TENM3: variants seen among roughly 807,000 people sequenced by gnomAD.
The protein encoded by TENM3 is teneurin-3.
In TENM3, 63 loss-of-function variants were observed where a neutral mutation model predicts 255.1. The observed-to-expected ratio is 0.25, with a 90% CI of 0.20 to 0.30. The LOEUF is 0.30. Ranked by LOEUF, TENM3 falls within the 10% of genes least tolerant of loss-of-function variation. TENM3 has a pLI of 1.00. For missense variants in TENM3, 2,929 were observed against 3,461.1 expected (o/e 0.85, Z 3.86); for synonymous variants, 1,306 against 1,322.3 (o/e 0.99, Z 0.27).
the TENM3 span, among the ~76,000 whole-genome samples, chr4:181,934,505 A>C: frequency 6.6e-6 from 1 of 152,278 alleles, no homozygotes; most frequent in East Asian, 1.9e-4. Flanking sequence ...AACAAGCCAT[A>C]ATGTTTATTA....
chr4:182,451,620 A>G (rs1043095833), intron 3 of TENM3, among the ~76,000 whole-genome samples: 1 of 152,212 alleles, frequency 6.6e-6, no homozygotes, highest in African/African-American at 2.4e-5. Context: ...TCAGGTATTC[A>G]TTCCCTTAAA....
At chr4:181,943,120 G>A in the TENM3 span, among the ~76,000 whole-genome samples, 2 of 152,134 alleles carry the variant, frequency 1.3e-5, no homozygotes, top group African/African-American at 4.8e-5. Context: ...GGCAAAGGAA[G>A]GGTTTTGGTA....
the TENM3 span, among the ~76,000 whole-genome samples, chr4:181,602,642 A>G: frequency 6.6e-6 from 1 of 152,220 alleles, no homozygotes; most frequent in Non-Finnish European, 1.5e-5. Context: ...AGAAATAGGC[A>G]GGGAAAAAGA....
At chr4:182,617,943 G>A (rs1196100436) in intron 4 of TENM3, among the ~76,000 whole-genome samples, 2 of 152,132 alleles carry the variant, frequency 1.3e-5, no homozygotes, top group African/African-American at 4.8e-5. Flanking sequence ...CCAGGTGTCT[G>A]TATGTCACTA....
chr4:181,491,907 AAAG>A, the TENM3 span, among the ~76,000 whole-genome samples: 1 of 152,166 alleles, frequency 6.6e-6, no homozygotes, highest in African/African-American at 2.4e-5. Flanking sequence ...CTTATTATAA[AAAG>A]CTTTAAAAAT....
At chr4:181,719,215 A>AAAATAAATAAATAAATAAATAAATAAAT in the TENM3 span, among the ~76,000 whole-genome samples, 119 of 150,020 alleles carry the variant, frequency 7.9e-4, no homozygotes, top group Middle Eastern at 3.5e-3. Flanking sequence ...TCCGTCTCAA[A>AAAATAAATAAATAAATAAATAAATAAAT]AAATAAATAA....
At chr4:182,740,415 C>T (rs750102063) in intron 18 of TENM3, among the ~76,000 whole-genome samples, 75 of 152,304 alleles carry the variant, frequency 4.9e-4, no homozygotes, top group Non-Finnish European at 6.8e-4. Flanking sequence ...TTTTAAAATG[C>T]GAAGCCATAT....
intron 11 of TENM3, among the ~76,000 whole-genome samples, chr4:182,684,412 G>A (rs1021832618): frequency 1.0e-5 from 1 of 99,638 alleles, no homozygotes; most frequent in Admixed American, 1.2e-4. Flanking sequence ...GAACTGCCTG[G>A]GTTCAAATTT....
the TENM3 span, among the ~76,000 whole-genome samples, chr4:181,623,853 A>C: frequency 6.6e-6 from 1 of 152,222 alleles, no homozygotes; most frequent in Non-Finnish European, 1.5e-5. Context: ...ATGAGCTTAA[A>C]AGTGAAATAT....
chr4:181,563,610 A>C, the TENM3 span, among the ~76,000 whole-genome samples: 1 of 152,206 alleles, frequency 6.6e-6, no homozygotes, highest in African/African-American at 2.4e-5. Context: ...ACTGAAAGCC[A>C]ACTATCGGTC....
Position 182,404,234 on chromosome 4 carries a change from A to G in TENM3, c.511+57305A>G, listed in dbSNP as rs191368950. On this transcript the variant is annotated intron_variant, in intron 3 of 27. Transcript: ENST00000511685. ...GGGTGTCAGGAGGACTATTAAATATAAAGTTCTTAACAGTTTTTCAGTGTA... is the reference window on the plus strand; with the variant it reads ...GGGTGTCAGGAGGACTATTAAATATGAAGTTCTTAACAGTTTTTCAGTGTA... Among the ~76,000 whole-genome samples the G allele has an allele frequency of 9.8e-5, 15 of 152,302 alleles. No individual in the cohort carries two copies. In the East Asian group the frequency reaches 2.9e-3, roughly 29 times the overall value.
At chr4:182,536,685 A>G (rs959003589) in intron 3 of TENM3, among the ~76,000 whole-genome samples, 3 of 151,986 alleles carry the variant, frequency 2.0e-5, no homozygotes, top group Non-Finnish European at 4.4e-5. Flanking sequence ...CTGGGCACAT[A>G]TAAATATTTT....
chr4:182,450,638 T>A (rs535560663), intron 3 of TENM3, among the ~76,000 whole-genome samples: 8 of 152,344 alleles, frequency 5.3e-5, no homozygotes, highest in Non-Finnish European at 8.8e-5. Flanking sequence ...CACAAAAATA[T>A]GAATGCAGGT....
chr4:182,227,848 C>T (rs56104980), intron 1 of TENM3, among the ~76,000 whole-genome samples: 32,877 of 151,690 alleles, frequency 0.22, 3,894 homozygotes, highest in Non-Finnish European at 0.25. Context: ...GGAACGCATA[C>T]TAAGGGTAAG....
chr4:181,840,532 G>A, the TENM3 span, among the ~76,000 whole-genome samples: 114 of 152,150 alleles, frequency 7.5e-4, no homozygotes, highest in African/African-American at 2.5e-3. Flanking sequence ...TATGAATTAC[G>A]GACAGTAGGC....
At chr4:182,090,519 T>C in the TENM3 span, among the ~76,000 whole-genome samples, 7 of 152,196 alleles carry the variant, frequency 4.6e-5, no homozygotes, top group Non-Finnish European at 8.8e-5. Flanking sequence ...TTCTTGGAAG[T>C]GGAGTCCTAA....
intron 18 of TENM3, among the ~76,000 whole-genome samples, chr4:182,739,468 C>G (rs1360126223): frequency 1.3e-5 from 2 of 152,144 alleles, no homozygotes; most frequent in Non-Finnish European, 2.9e-5. Flanking sequence ...CATACTAGTA[C>G]TCTACTTTTA....
At chr4:182,241,599 C>T (rs201551429), upstream of TENM3, among the ~76,000 whole-genome samples, 5 of 144,646 alleles carry the variant, frequency 3.5e-5, no homozygotes, top group East Asian at 4.0e-4. Flanking sequence ...CTGCAACCTC[C>T]GCCTCTCAGG....
chr4:182,281,910 A>AT (rs1452557644), intron 1 of TENM3, among the ~76,000 whole-genome samples: 1 of 151,902 alleles, frequency 6.6e-6, no homozygotes, highest in Non-Finnish European at 1.5e-5. Context: ...TAATTTTGGT[A>AT]TTTTTAGTAG....
Sources: gnomAD v4.1 joint callset for allele counts (sites outside exome capture counted in the v4.1 genomes callset) on GRCh38, gnomAD v4.1.1 for gene constraint, MANE v1.5 for transcripts, NCBI Gene and HGNC (gene_info 2026-07-23, HGNC 2026-07-21) for gene names.